Variants in SMAP1 observed in about 807,000 individuals in gnomAD.
SMAP1 encodes the protein small ArfGAP 1, also known as stromal membrane-associated protein 1.
A neutral mutation model predicts 58.5 loss-of-function variants in SMAP1; 24 were observed. The ratio of observed to expected loss-of-function variants is 0.41; its 90% CI spans 0.30 to 0.58. The LOEUF is 0.58. Among genes scored for constraint, SMAP1 ranks in the 20% least tolerant of loss-of-function variants. The probability of loss-of-function intolerance (pLI) is 0.29; values close to 1 mark genes in which losing one functional copy is unlikely to be tolerated. For synonymous variants in SMAP1, 216 were observed against 196.6 expected (o/e 1.10, Z -0.82); for missense variants, 563 against 566.3 (o/e 0.99, Z 0.06).
intron 1 of SMAP1, among the ~76,000 whole-genome samples, chr6:70,718,819 C>CA (rs5877259): frequency 0.3 from 17,121 of 56,836 alleles, 2,797 homozygotes; most frequent in Non-Finnish European, 0.39. Flanking sequence ...GACTCCATCT[C>CA]AAAAAAAAAA....
At chr6:70,710,235 G>A (rs560672819) in intron 1 of SMAP1, among the ~76,000 whole-genome samples, 14 of 152,160 alleles carry the variant, frequency 9.2e-5, no homozygotes, top group Admixed American at 7.9e-4. Context: ...GCTCACGCCT[G>A]TAATCCCAGC....
intron 1 of SMAP1, among the ~76,000 whole-genome samples, chr6:70,701,665 C>G (rs564100761): frequency 9.2e-5 from 14 of 152,266 alleles, no homozygotes; most frequent in Non-Finnish European, 1.6e-4. Context: ...ATGCCAAGTC[C>G]CACAATCACT....
chr6:70,711,163 A>G (rs1768042101), intron 1 of SMAP1, among the ~76,000 whole-genome samples: 1 of 152,212 alleles, frequency 6.6e-6, no homozygotes, highest in African/African-American at 2.4e-5. Context: ...AACCAGTACC[A>G]TAGTCATTTA....
At chr6:70,801,676 T>G (rs560117947) in intron 6 of SMAP1, among the ~76,000 whole-genome samples, 5 of 152,330 alleles carry the variant, frequency 3.3e-5, no homozygotes, top group Non-Finnish European at 7.3e-5. Flanking sequence ...TAATCCATCT[T>G]GAATTAATTT....
At chr6:70,721,279 A>G (rs911947053) in intron 1 of SMAP1, among the ~76,000 whole-genome samples, 16 of 152,094 alleles carry the variant, frequency 1.1e-4, no homozygotes, top group African/African-American at 3.9e-4. Context: ...CAGATACCCT[A>G]AATTGTCTTT....
chr6:70,815,098 A>T (rs562612163), intron 6 of SMAP1, among the ~76,000 whole-genome samples: 2 of 152,134 alleles, frequency 1.3e-5, no homozygotes, highest in African/African-American at 2.4e-5. Context: ...TGACCTTGGC[A>T]TTGCTCACAC....
intron 2 of SMAP1, among the ~76,000 whole-genome samples, chr6:70,744,419 T>G (rs539733119): frequency 2.7e-4 from 41 of 152,014 alleles, no homozygotes; most frequent in Non-Finnish European, 5.3e-4. Context: ...TGAGAACATA[T>G]GGTGTTTGGT....
At chr6:70,782,878 C>G (rs943667095) in intron 4 of SMAP1, among the ~76,000 whole-genome samples, 4 of 152,198 alleles carry the variant, frequency 2.6e-5, no homozygotes, top group African/African-American at 9.7e-5. Context: ...CAGCTCCCAG[C>G]CTGAGTGACG....
chr6:70,846,461 GC>G (rs1770994348), intron 7 of SMAP1, among the ~76,000 whole-genome samples: 1 of 152,192 alleles, frequency 6.6e-6, no homozygotes, highest in Non-Finnish European at 1.5e-5. Flanking sequence ...ACTGGGGCAT[GC>G]CTGTTCAGCC....
At chr6:70,784,367 T>A (rs1321506327) in intron 4 of SMAP1, among the ~76,000 whole-genome samples, 2 of 151,978 alleles carry the variant, frequency 1.3e-5, no homozygotes, top group Admixed American at 6.6e-5. Context: ...TGTAAAGACC[T>A]TCAAGGCTAG....
chr6:70,825,612 G>C (rs989874311), intron 6 of SMAP1, among the ~76,000 whole-genome samples: 1 of 152,072 alleles, frequency 6.6e-6, no homozygotes, highest in Non-Finnish European at 1.5e-5. Context: ...AGAGTCTTAC[G>C]AACAGGAGCT....
rs781469992 is a variant in SMAP1 at position 70,755,018 on chromosome 6, C to G, written c.291C>G (p.Leu97=). 1.1e-5 allele frequency: 17 copies of G among 1,610,598 alleles called. No homozygotes were observed. The South Asian group carries it at 1.7e-4, about 16-fold the overall frequency. The change falls in exon 3 of 11, where the codon CTC becomes CTG. Residue 97 remains leucine (L), a synonymous_variant. Transcript: ENST00000370455. ...TGGGAAATACTAAAGCAAGACTACTCTATGAAGCCAATCTTCCAGAGAACT... is the reference window on the plus strand; with the variant it reads ...TGGGAAATACTAAAGCAAGACTACTGTATGAAGCCAATCTTCCAGAGAACT... ...QDMGNTKARL[L]YEANLPENFR... is the part of the protein sequence containing the mutation.
chr6:70,796,740 T>G (rs1288755787), intron 5 of SMAP1, among the ~76,000 whole-genome samples: 1 of 152,206 alleles, frequency 6.6e-6, no homozygotes, highest in Non-Finnish European at 1.5e-5. Flanking sequence ...CCTTAATGTT[T>G]AAGGCAAAAT....
Position 70,667,996 on chromosome 6 carries a change from GCC to G in SMAP1, c.-25_-24del. 6.4e-7 allele frequency: 1 copy of G among 1,559,808 alleles called. No homozygotes were observed. The highest frequency in any genetic ancestry group is 2.5e-5 in the East Asian group (1 of 40,524). ...GCCAGCGTCCGCCGCCGCCGTAGCT[GCC>G]CCAGGCTCCCCGCCCCGCTGCCGAG... is the stretch of plus-strand genomic sequence containing the variant. On this transcript the variant is annotated 5_prime_UTR_variant, in exon 1 of 11. Transcript: ENST00000370455.
intron 2 of SMAP1, among the ~76,000 whole-genome samples, chr6:70,745,328 T>C (rs1312796456): frequency 6.6e-6 from 1 of 152,250 alleles, no homozygotes; most frequent in Non-Finnish European, 1.5e-5. Flanking sequence ...AAGTCTTTAA[T>C]CCATCTTGAA....
intron 6 of SMAP1, among the ~76,000 whole-genome samples, chr6:70,836,526 T>C (rs1251556667): frequency 1.3e-5 from 2 of 152,194 alleles, no homozygotes; most frequent in African/African-American, 2.4e-5. Context: ...CTTCAAAATA[T>C]ATAATTTCAT....
At chr6:70,834,252 C>A (rs1296013923) in intron 6 of SMAP1, among the ~76,000 whole-genome samples, 1 of 151,592 alleles carries the variant, frequency 6.6e-6, no homozygotes, top group African/African-American at 2.4e-5. Flanking sequence ...AAAAAAGATC[C>A]TTTTTAGCCT....
intron 6 of SMAP1, among the ~76,000 whole-genome samples, chr6:70,831,001 C>T (rs1770335880): frequency 6.6e-6 from 1 of 152,162 alleles, no homozygotes; most frequent in Non-Finnish European, 1.5e-5. Context: ...GAAAATTATT[C>T]TGAACTTCCT....
intron 3 of SMAP1, among the ~76,000 whole-genome samples, chr6:70,760,756 A>G (rs1766714670): frequency 6.6e-6 from 1 of 152,106 alleles, no homozygotes; most frequent in African/African-American, 2.4e-5. Flanking sequence ...AGTTAAACTC[A>G]TATAATATGG....
Sources: gnomAD v4.1 joint callset for allele counts (sites outside exome capture counted in the v4.1 genomes callset) on GRCh38, gnomAD v4.1.1 for gene constraint, MANE v1.5 for transcripts, NCBI Gene and HGNC (gene_info 2026-07-23, HGNC 2026-07-21) for gene names.